RGS6: variants seen among roughly 807,000 people sequenced by gnomAD.
The protein encoded by RGS6 is regulator of G-protein signaling 6.
A neutral mutation model predicts 78.5 loss-of-function variants in RGS6; 30 were observed. That is an observed-to-expected ratio of 0.38 (90% CI 0.29 to 0.52). The LOEUF (loss-of-function observed/expected upper bound fraction) is 0.52, where lower values mean the gene tolerates loss of function less well. Ranked by LOEUF, RGS6 falls within the 20% of genes least tolerant of loss-of-function variation. The probability of loss-of-function intolerance (pLI) is 0.85; values close to 1 mark genes in which losing one functional copy is unlikely to be tolerated. For synonymous variants in RGS6, 206 were observed against 206.0 expected (o/e 1.00, Z 0.00); for missense variants, 495 against 609.7 (o/e 0.81, Z 1.98).
intron 2 of RGS6, among the ~76,000 whole-genome samples, chr14:72,003,716 G>A (rs77587460): frequency 6.6e-6 from 1 of 152,198 alleles, no homozygotes; most frequent in Non-Finnish European, 1.5e-5. Flanking sequence ...CTAGGGGATG[G>A]GGGAAGGGAT....
intron 3 of RGS6, among the ~76,000 whole-genome samples, chr14:72,432,309 T>C (rs1012562370): frequency 6.6e-6 from 1 of 152,220 alleles, no homozygotes; most frequent in Non-Finnish European, 1.5e-5. Flanking sequence ...TAGTCCTGAC[T>C]AGAAATTGTT....
chr14:71,988,552 T>C (rs1313869058), intron 2 of RGS6, among the ~76,000 whole-genome samples: 2 of 152,062 alleles, frequency 1.3e-5, no homozygotes, highest in East Asian at 3.9e-4. Flanking sequence ...TTATGAATTA[T>C]CTATGGCTTT....
At chr14:72,418,164 A>C (rs772407574) in intron 3 of RGS6, among the ~76,000 whole-genome samples, 3 of 151,764 alleles carry the variant, frequency 2.0e-5, no homozygotes, top group African/African-American at 4.8e-5. Context: ...TCTCTCTTCA[A>C]AATAAACTTT....
At chr14:72,346,631 A>T (rs1300413667) in intron 2 of RGS6, among the ~76,000 whole-genome samples, 1 of 152,198 alleles carries the variant, frequency 6.6e-6, no homozygotes, top group African/African-American at 2.4e-5. Flanking sequence ...TGAAGTCTCC[A>T]GTTTCAGAAT....
rs559312486 is a variant in RGS6 at position 72,094,654 on chromosome 14, G to T, written c.84+129779G>T. ...CTTAGCAATTCCATTTGGCTGTACT[G>T]CTATCTTTAGGAACATTTATCTTGC... On this transcript the variant is annotated intron_variant, in intron 2 of 17. Transcript: ENST00000553525. Among the ~76,000 whole-genome samples, 96 of 152,122 alleles carry T rather than the reference G, an allele frequency of 6.3e-4. 3 individuals carry two copies. The South Asian group carries it at 0.011, about 17-fold the overall frequency.
chr14:72,140,415 C>T (rs917611162), intron 2 of RGS6, among the ~76,000 whole-genome samples: 13 of 152,228 alleles, frequency 8.5e-5, no homozygotes, highest in African/African-American at 7.2e-5. Context: ...GACCGTGTGC[C>T]ATTGAGATGG....
intron 2 of RGS6, among the ~76,000 whole-genome samples, chr14:72,137,749 A>T (rs116309519): frequency 6.6e-6 from 1 of 152,168 alleles, no homozygotes; most frequent in African/African-American, 2.4e-5. Flanking sequence ...GGGGAACACT[A>T]CCCTTTGGGC....
chr14:72,046,414 C>T (rs1396146196), intron 2 of RGS6, among the ~76,000 whole-genome samples: 2 of 152,110 alleles, frequency 1.3e-5, no homozygotes, highest in Non-Finnish European at 2.9e-5. Context: ...ATCTACATGG[C>T]TTGTAATGAC....
chr14:72,433,930 A>G (rs1226318645), intron 3 of RGS6, among the ~76,000 whole-genome samples: 2 of 152,260 alleles, frequency 1.3e-5, no homozygotes, highest in South Asian at 2.1e-4. Context: ...AGTAAGCCCT[A>G]TGTAAATGTT....
the RGS6 span, among the ~76,000 whole-genome samples, chr14:72,599,052 G>A: frequency 0.017 from 2,518 of 152,264 alleles, 65 homozygotes; most frequent in African/African-American, 0.058. Context: ...GAGACCCGGC[G>A]CAGCCACGGG....
intron 17 of RGS6, among the ~76,000 whole-genome samples, chr14:72,541,804 G>T (rs2097331548): frequency 6.6e-6 from 1 of 152,228 alleles, no homozygotes; most frequent in Admixed American, 6.5e-5. Context: ...CCTGGTACTT[G>T]GACAAAACGT....
At chr14:72,310,212 C>A (rs1159048622) in intron 2 of RGS6, among the ~76,000 whole-genome samples, 1 of 152,204 alleles carries the variant, frequency 6.6e-6, no homozygotes, top group African/African-American at 2.4e-5. Flanking sequence ...TCCAAGGCCG[C>A]CAAGACTCTT....
At chr14:71,955,126 A>T (rs552083057) in intron 1 of RGS6, among the ~76,000 whole-genome samples, 15 of 152,060 alleles carry the variant, frequency 9.9e-5, no homozygotes, top group Non-Finnish European at 1.8e-4. Flanking sequence ...AATCCCCCCA[A>T]GGGTCCTTGT....
intron 2 of RGS6, among the ~76,000 whole-genome samples, chr14:72,215,988 C>T (rs774912458): frequency 1.3e-5 from 2 of 152,138 alleles, no homozygotes; most frequent in African/African-American, 2.4e-5. Context: ...CTTCCTAGGT[C>T]GTCTGAAGGT....
chr14:72,390,583 T>TCA (rs149159412), intron 3 of RGS6, among the ~76,000 whole-genome samples: 4,916 of 151,580 alleles, frequency 0.032, 216 homozygotes, highest in African/African-American at 0.096. Context: ...TGGGATACTT[T>TCA]CACACACACA....
intron 1 of RGS6, among the ~76,000 whole-genome samples, chr14:71,937,058 T>C (rs185608585): frequency 6.6e-6 from 1 of 152,340 alleles, no homozygotes; most frequent in East Asian, 1.9e-4. Context: ...TACTGAGAGA[T>C]GCCCTAATGG....
At chr14:72,403,685 TC>T (rs1197453217) in intron 3 of RGS6, among the ~76,000 whole-genome samples, 1 of 152,328 alleles carries the variant, frequency 6.6e-6, no homozygotes, top group East Asian at 1.9e-4. Flanking sequence ...ATTGTATCTA[TC>T]AAAATACCAC....
chr14:72,339,685 G>A lies in RGS6; in HGVS notation c.85-12410G>A, dbSNP rs1269886813. Among the ~76,000 whole-genome samples, 2 of 152,176 alleles carry A rather than the reference G, an allele frequency of 1.3e-5. 1 individual carries two copies. Among genetic ancestry groups the A allele is most frequent in the East Asian group, 3.9e-4 (2 of 5,182 alleles). ...TGAGATGATGGTCTCTGGGCAGTCAGTTACAGAGCAGGAACAGCACTCTGA... is the reference window on the plus strand; with the variant it reads ...TGAGATGATGGTCTCTGGGCAGTCAATTACAGAGCAGGAACAGCACTCTGA... On this transcript the variant is annotated intron_variant, in intron 2 of 17. Coordinates refer to ENST00000553525, the MANE Select transcript of RGS6 (RefSeq NM_001204424.2).
chr14:72,035,531 T>C (rs1178150461), intron 2 of RGS6, among the ~76,000 whole-genome samples: 1 of 152,202 alleles, frequency 6.6e-6, no homozygotes, highest in African/African-American at 2.4e-5. Flanking sequence ...TAGTTTGTTT[T>C]TCTAGTTCCT....
Sources: gnomAD v4.1 joint callset for allele counts (sites outside exome capture counted in the v4.1 genomes callset) on GRCh38, gnomAD v4.1.1 for gene constraint, MANE v1.5 for transcripts, NCBI Gene and HGNC (gene_info 2026-07-23, HGNC 2026-07-21) for gene names.